ZAN: variants seen among roughly 807,000 people sequenced by gnomAD.
The protein encoded by ZAN is zonadhesin.
Under a neutral mutation model 286.2 loss-of-function variants are expected in ZAN, and 260 were observed. The ratio of observed to expected loss-of-function variants is 0.91; its 90% CI spans 0.82 to 1.01. The LOEUF (loss-of-function observed/expected upper bound fraction) is 1.01, where lower values mean the gene tolerates loss of function less well. ZAN is among the 50% of genes least tolerant of loss of function. The pLI is 0.00. For missense variants in ZAN, 3,410 were observed against 3,639.2 expected (o/e 0.94, Z 1.62); for synonymous variants, 1,368 against 1,417.5 (o/e 0.97, Z 0.79).
chr7:100,756,556 CT>C (rs1188876411), intron 15 of ZAN, among the ~76,000 whole-genome samples: 1 of 152,134 alleles, frequency 6.6e-6, no homozygotes, highest in African/African-American at 2.4e-5. Flanking sequence ...TTTCTTTCCC[CT>C]GCCTCCTTTA....
At chr7:100,759,578 TG>T in intron 17 of ZAN, 142 bp from the exon 18 acceptor site, 1 of 1,071,792 alleles carries the variant, frequency 9.3e-7, no homozygotes, top group Non-Finnish European at 1.3e-6. Flanking sequence ...TGCTCCTGTG[TG>T]GATCCGGCCT....
chr7:100,737,831 G>A (rs1807423674), intron 6 of ZAN, among the ~76,000 whole-genome samples: 3 of 141,296 alleles, frequency 2.1e-5, no homozygotes, highest in Middle Eastern at 3.4e-3. Flanking sequence ...GCCCAGCACA[G>A]TGGCTCAGGC....
intron 45 of ZAN, among the ~76,000 whole-genome samples, chr7:100,796,613 G>C (rs551901584): frequency 6.6e-6 from 1 of 151,998 alleles, no homozygotes; most frequent in Admixed American, 6.6e-5. Context: ...ATGGGGTTTC[G>C]CCATGTTGGC....
chr7:100,742,923 A>AT (rs550818761), intron 7 of ZAN, among the ~76,000 whole-genome samples: 2 of 74,812 alleles, frequency 2.7e-5, no homozygotes, highest in African/African-American at 5.0e-5. Flanking sequence ...TTTTTTAAGG[A>AT]TTTTTTTTGT....
chr7:100,775,560 G>A lies in ZAN; in HGVS notation c.6012G>A (p.Lys2004=). Residue 2004 remains lysine, a synonymous_variant, in exon 32 of 48, where the codon AAG becomes AAA. Coordinates refer to ENST00000613979, the MANE Select transcript of ZAN (RefSeq NM_003386.3). ...ACGATGCCCAGGTCACCCTGCAGAA[G>A]GGCCACCGTGTGCTAGTGAGCTGGG... ...DIYDAQVTLQ[K]GHRVLINSKQ... 6.2e-7 allele frequency: 1 copy of A among 1,613,666 alleles called. No homozygotes were observed. Among genetic ancestry groups the A allele is most frequent in the Non-Finnish European group, 8.5e-7 (1 of 1,179,682 alleles).
Position 100,752,820 on chromosome 7 carries a change from A to G in ZAN, c.2715A>G (p.Lys905=), listed in dbSNP as rs1370589736. ...AAAAACTCACCATCCCCACAGAAAA[A>G]CCCACCATCTCCCCAGAAAAACCCA... ...STEKLTIPTE[K]PTISPEKPTI... Residue 905 remains lysine, a synonymous_variant, in exon 14 of 48, where the codon AAA becomes AAG. Coordinates refer to ENST00000613979, the MANE Select transcript of ZAN (RefSeq NM_003386.3). The G allele has an allele frequency of 1.3e-6, 2 of 1,589,132 alleles. No individual in the cohort carries two copies. The highest frequency in any genetic ancestry group is 2.2e-5 in the South Asian group (2 of 89,324).
At chr7:100,753,977 C>T (rs1185300279) in intron 14 of ZAN, among the ~76,000 whole-genome samples, 1 of 152,110 alleles carries the variant, frequency 6.6e-6, no homozygotes, top group Non-Finnish European at 1.5e-5. Flanking sequence ...CCACTCCCCA[C>T]TCCGCCTTCC....
intron 19 of ZAN, among the ~76,000 whole-genome samples, chr7:100,760,966 G>A (rs900012300): frequency 6.6e-6 from 1 of 151,954 alleles, no homozygotes; most frequent in African/African-American, 2.4e-5. Flanking sequence ...GTGCTATCTC[G>A]GCTCACTGCA....
In ZAN at chr7:100,765,605, C is replaced by T. The variant is rs149262309; in HGVS notation, c.4470+51C>T. On this transcript the variant is annotated intron_variant, in intron 23 of 47. Transcript: ENST00000613979. ...CCCTGCAGCTAGAAAGGGCCTGCTC[C>T]CTGCTCTCACACCCCCTGCAAGCTC... 250 of 1,528,472 alleles carry T rather than the reference C, an allele frequency of 1.6e-4. No homozygotes were observed. In the Middle Eastern group the frequency reaches 1.8e-3, roughly 11 times the overall value. 94.7% of individuals were successfully genotyped at this position (1,528,472 alleles called of 1,614,324 possible).
At chr7:100,791,257 C>T in intron 40 of ZAN, 144 bp downstream of exon 40, 1 of 1,129,120 alleles carries the variant, frequency 8.9e-7, no homozygotes, top group Non-Finnish European at 1.2e-6. Context: ...TCCGTCATTC[C>T]CTCTCATCTG....
chr7:100,758,505 T>G, intron 16 of ZAN, 26 bp from the exon 17 acceptor site: 1 of 1,554,210 alleles, frequency 6.4e-7, no homozygotes. Flanking sequence ...AGAAGCAGCT[T>G]CGCCTGTTCT....
rs374804720 is a variant in ZAN, at chr7:100,793,869, C to T, written c.7837C>T (p.Pro2613Ser). 200 of 1,613,418 alleles carry T rather than the reference C, an allele frequency of 1.2e-4. No individual in the cohort carries two copies. Among genetic ancestry groups the T allele is most frequent in the Non-Finnish European group, 1.5e-4 (173 of 1,179,618 alleles). ...TATATCAGAGCTGTATGACACCCTG[C>T]CCAGCATCCTGTGCCAACCTGGCAG... is the stretch of plus-strand genomic sequence containing the variant. ...YHISELYDTL[P>S]SILCQPGRPR... The change falls in exon 43 of 48, where the codon CCC (proline) becomes TCC (serine). Residue 2613 changes from proline (P) to serine (S), a missense_variant. Around this residue, in one of 7 missense-constraint regions of ZAN, gnomAD observed 1,289 missense variants for 1,314.3 expected, o/e 0.98. Transcript: ENST00000613979.
chr7:100,780,558 C>G (rs1051100242), intron 35 of ZAN, among the ~76,000 whole-genome samples: 5 of 151,662 alleles, frequency 3.3e-5, no homozygotes, highest in Admixed American at 1.3e-4. Flanking sequence ...CCTGTGGTCC[C>G]AGCTACTTGT....
At chr7:100,749,026 C>T (rs572135644) in intron 11 of ZAN, among the ~76,000 whole-genome samples, 1 of 151,596 alleles carries the variant, frequency 6.6e-6, no homozygotes, top group East Asian at 2.0e-4. Flanking sequence ...CAGAGCAAGA[C>T]CTTGTCTCTA....
In ZAN at chr7:100,760,510, C is replaced by T; in HGVS notation, c.3816C>T (p.Asp1272=). 1 of 1,613,954 alleles carries T rather than the reference C, an allele frequency of 6.2e-7. No homozygotes were observed. Among genetic ancestry groups the T allele is most frequent in the South Asian group, 1.1e-5 (1 of 91,080 alleles). The change falls in exon 19 of 48, where the codon GAC becomes GAT. Residue 1272 remains aspartate, a synonymous_variant. Transcript: ENST00000613979. The part of the protein sequence containing the change: ...EFGLRVRWDG[D]QQLYVTVSST... ...GTTTGCGGGTGAGATGGGATGGTGA[C>T]CAGCAGCTGTATGTTACTGTGTCCA... is the stretch of plus-strand genomic sequence containing the variant.
chr7:100,762,485 G>C, intron 20 of ZAN, 127 bp downstream of exon 20: 1 of 1,260,740 alleles, frequency 7.9e-7, no homozygotes, highest in Non-Finnish European at 1.0e-6. Flanking sequence ...GAGTGCAGTG[G>C]TGCGATCTCA....
intron 37 of ZAN, among the ~76,000 whole-genome samples, chr7:100,786,751 G>A (rs1324845636): frequency 2.0e-5 from 3 of 150,316 alleles, no homozygotes; most frequent in Non-Finnish European, 4.4e-5. Flanking sequence ...AGAGAAAATT[G>A]AAGATCAAGG....
chr7:100,760,927 C>T (rs990202900), intron 19 of ZAN, among the ~76,000 whole-genome samples: 2 of 152,194 alleles, frequency 1.3e-5, no homozygotes, highest in East Asian at 1.9e-4. Flanking sequence ...CAGGATCTCT[C>T]GCTCTGTTCC....
chr7:100,767,298 G>T (rs367564380), intron 25 of ZAN, 41 bp downstream of exon 25: 440 of 1,577,916 alleles, frequency 2.8e-4, no homozygotes, highest in Non-Finnish European at 3.6e-4. Flanking sequence ...TGAACACCCA[G>T]CCTGCTTGCT....
Sources: gnomAD v4.1 joint callset for allele counts (sites outside exome capture counted in the v4.1 genomes callset) on GRCh38, gnomAD v4.1.1 for gene constraint, gnomAD v4.1.1 regional missense constraint, MANE v1.5 for transcripts, NCBI Gene and HGNC (gene_info 2026-07-23, HGNC 2026-07-21) for gene names.